The following CSF2RA variants were observed in gnomAD, a reference collection of about 807,000 sequenced individuals.
CSF2RA encodes granulocyte-macrophage colony-stimulating factor receptor subunit alpha.
A neutral mutation model predicts 51.6 loss-of-function variants in CSF2RA; 42 were observed. The ratio of observed to expected loss-of-function variants is 0.81; its 90% CI spans 0.64 to 1.05. The LOEUF (loss-of-function observed/expected upper bound fraction) is 1.05, where lower values mean the gene tolerates loss of function less well. Ranked by LOEUF, CSF2RA falls within the 50% of genes least tolerant of loss-of-function variation. The probability of loss-of-function intolerance (pLI) is 0.00; values close to 1 mark genes in which losing one functional copy is unlikely to be tolerated. For missense variants in CSF2RA, 530 were observed against 501.1 expected (o/e 1.06, Z -0.55); for synonymous variants, 222 against 193.0 (o/e 1.15, Z -1.24).
At chrX:1,313,870 C>A (rs1169743164), downstream of CSF2RA, among the ~76,000 whole-genome samples, 2 of 150,666 alleles carry the variant, frequency 1.3e-5, no homozygotes, top group Non-Finnish European at 3.0e-5. Context: ...CCTGTAATTG[C>A]AGTTGCTGTA....
Position 1,301,806 on chromosome X carries a change from GTTTT to G in CSF2RA, c.946+1183_946+1186del, listed in dbSNP as rs1430734748. 7.1e-3 allele frequency among the ~76,000 whole-genome samples: 1,060 copies of G among 148,814 alleles called. 25 individuals are homozygous for G. Among genetic ancestry groups the G allele is most frequent in the East Asian group, 0.047 (238 of 5,054 alleles). Reference sequence around the variant, plus strand: ...TTTTTAGTAGAGACAGGGTTTCACTGTTTTTTAGCCAGGATGGTCTCGATCTCCT... The same window carrying G: ...TTTTTAGTAGAGACAGGGTTTCACTGTTAGCCAGGATGGTCTCGATCTCCT... On this transcript the variant is annotated intron_variant, in intron 10 of 12. Coordinates refer to ENST00000381529, the MANE Select transcript of CSF2RA (RefSeq NM_172245.4).
the CSF2RA span, among the ~76,000 whole-genome samples, chrX:1,323,741 G>A: frequency 0.019 from 2,881 of 152,064 alleles, 98 homozygotes; most frequent in African/African-American, 0.065. Flanking sequence ...CAGGCTGGGC[G>A]CAGTGGCTCA....
downstream of CSF2RA, among the ~76,000 whole-genome samples, chrX:1,311,404 TAC>T (rs1490823586): frequency 2.0e-5 from 3 of 151,484 alleles, no homozygotes; most frequent in Non-Finnish European, 1.5e-5. Flanking sequence ...ACAATTCCTG[TAC>T]AGTCTGTGGA....
At chrX:1,298,491 T>G (rs773333367) in intron 9 of CSF2RA, among the ~76,000 whole-genome samples, 1 of 96,448 alleles carries the variant, frequency 1.0e-5, no homozygotes, top group Non-Finnish European at 2.0e-5. Context: ...ACCCCTGGAG[T>G]AACCCTACAG....
chrX:1,314,319 ACACTGCACCTGCCCAACCC>A (rs1384928200), downstream of CSF2RA, among the ~76,000 whole-genome samples: 11 of 63,980 alleles, frequency 1.7e-4, no homozygotes, highest in East Asian at 1.9e-3. Context: ...CTGCCCAACC[ACACTGCACCTGCCCAACCC>A]CACTGCGCCT....
intron 1 of CSF2RA, among the ~76,000 whole-genome samples, chrX:1,273,665 C>G (rs1182767600): frequency 6.6e-6 from 1 of 151,288 alleles, no homozygotes; most frequent in Non-Finnish European, 1.5e-5. Context: ...ACTGCAGCCT[C>G]TGCTTCCCAG....
At chrX:1,281,092 G>C (rs865798037) in intron 2 of CSF2RA, among the ~76,000 whole-genome samples, 707 of 12,096 alleles carry the variant, frequency 0.058, no homozygotes, top group East Asian at 0.07. Flanking sequence ...TTCTCCTCCT[G>C]CTCCCCTTCT....
Position 1,285,594 on chromosome X carries a change from C to G in CSF2RA, c.77-184C>G, listed in dbSNP as rs2090536782. 5.6e-6 allele frequency: 4 copies of G among 717,418 alleles called. No individual in the cohort carries two copies. The South Asian group carries it at 7.5e-5, about 13-fold the overall frequency. The allele number at this position is 717,418 out of a possible 1,614,324, so 44.4% of individuals were successfully genotyped here. A position where few individuals can be genotyped will look rare whatever the true frequency, so the allele number is the denominator to read the frequency against. On this transcript the variant is annotated intron_variant, in intron 3 of 12. Coordinates refer to ENST00000381529, the MANE Select transcript of CSF2RA (RefSeq NM_172245.4). ...CCTGTCATCCCAGCTACTCGGGAGG[C>G]TGAGGCAGGAGAATCATTTGAACCC...
At chrX:1,288,031 C>T (rs1404488663) in intron 4 of CSF2RA, among the ~76,000 whole-genome samples, 1 of 151,290 alleles carries the variant, frequency 6.6e-6, no homozygotes, top group East Asian at 2.0e-4. Flanking sequence ...GCCACGGCAC[C>T]TGGCCTCTAG....
chrX:1,290,395 T>C lies in CSF2RA; in HGVS notation c.532T>C (p.Cys178Arg). ...YIQDSGTHVG[C>R]HLDNLSGLTS... ...ACAAGACTCAGGAACCCATGTGGGATGTCACCTGGATAACCTGTCAGGATT... is the reference window on the plus strand; with the variant it reads ...ACAAGACTCAGGAACCCATGTGGGACGTCACCTGGATAACCTGTCAGGATT... Residue 178 changes from cysteine to arginine, a missense_variant, in exon 7 of 13, where the codon TGT (cysteine) becomes CGT (arginine). Coordinates refer to ENST00000381529, the MANE Select transcript of CSF2RA (RefSeq NM_172245.4). 1 of 1,613,792 alleles carries C rather than the reference T, an allele frequency of 6.2e-7. No individual in the cohort carries two copies. The highest frequency in any genetic ancestry group is 8.5e-7 in the Non-Finnish European group (1 of 1,179,712).
At chrX:1,300,843 T>A (rs1309884584) in intron 10 of CSF2RA, among the ~76,000 whole-genome samples, 1 of 152,010 alleles carries the variant, frequency 6.6e-6, no homozygotes, top group Admixed American at 6.6e-5. Flanking sequence ...TCAGGACGGA[T>A]GAGTTGGCTC....
At chrX:1,281,048 G>T (rs866599045) in intron 2 of CSF2RA, among the ~76,000 whole-genome samples, 1 of 5,034 alleles carries the variant, frequency 2.0e-4, no homozygotes. Context: ...TTCTCCTCCT[G>T]CTCCCCTTCT....
intron 7 of CSF2RA, among the ~76,000 whole-genome samples, chrX:1,293,482 G>C (rs2091597558): frequency 6.7e-6 from 1 of 149,944 alleles, no homozygotes; most frequent in Admixed American, 6.7e-5. Context: ...GCCTCCCAAA[G>C]TGCTGGGATT....
chrX:1,318,308 CAT>C, the CSF2RA span, among the ~76,000 whole-genome samples: 1 of 151,884 alleles, frequency 6.6e-6, no homozygotes, highest in Non-Finnish European at 1.5e-5. Context: ...GGATTACAGG[CAT>C]ACGCCACCAC....
the CSF2RA span, among the ~76,000 whole-genome samples, chrX:1,315,388 T>C: frequency 4.6e-5 from 7 of 152,104 alleles, no homozygotes; most frequent in South Asian, 4.2e-4. Context: ...AGATAGATGA[T>C]AGATGAATTT....
intron 10 of CSF2RA, among the ~76,000 whole-genome samples, chrX:1,301,546 T>G (rs1306755820): frequency 2.7e-4 from 40 of 148,974 alleles, no homozygotes; most frequent in Admixed American, 2.6e-3. Context: ...GGTCAAACCG[T>G]CACCATTCCG....
chrX:1,283,969 AG>A (rs1325474135), intron 3 of CSF2RA, among the ~76,000 whole-genome samples: 3 of 151,840 alleles, frequency 2.0e-5, no homozygotes, highest in Non-Finnish European at 2.9e-5. Flanking sequence ...CTCTTGACTG[AG>A]GGTGTCAGGG....
rs1277577343 is a variant in CSF2RA at position 1,268,897 on chromosome X, C to G, written c.-91+18C>G. Reference sequence around the variant, plus strand: ...CCGTGGGGGTAAGCTAAGTTCTTTCCTTCTGTGGTCTTTGAGCATGTCGAG... The same window carrying G: ...CCGTGGGGGTAAGCTAAGTTCTTTCGTTCTGTGGTCTTTGAGCATGTCGAG... On this transcript the variant is annotated intron_variant, in intron 1 of 12. Coordinates refer to ENST00000381529, the MANE Select transcript of CSF2RA (RefSeq NM_172245.4). The G allele has an allele frequency of 2.2e-6, 1 of 453,818 alleles. No homozygotes were observed. Among genetic ancestry groups the G allele is most frequent in the Non-Finnish European group, 4.4e-6 (1 of 226,716 alleles). 28.1% of individuals were successfully genotyped at this position (453,818 alleles called of 1,614,324 possible).
chrX:1,317,246 CTTTTTTTTT>C, the CSF2RA span, among the ~76,000 whole-genome samples: 1 of 57,828 alleles, frequency 1.7e-5, no homozygotes, highest in Non-Finnish European at 2.9e-5. Context: ...CCACGCTCAG[CTTTTTTTTT>C]TTTTTTTTTT....
Sources: gnomAD v4.1 joint callset for allele counts (sites outside exome capture counted in the v4.1 genomes callset) on GRCh38, gnomAD v4.1.1 for gene constraint, MANE v1.5 for transcripts, NCBI Gene and HGNC (gene_info 2026-07-23, HGNC 2026-07-21) for gene names.